PREX1: variants seen among roughly 807,000 people sequenced by gnomAD.
PREX1 encodes the protein phosphatidylinositol-3,4,5-trisphosphate dependent Rac exchange factor 1, also known as phosphatidylinositol 3,4,5-trisphosphate-dependent Rac exchanger 1 protein.
A neutral mutation model predicts 198.3 loss-of-function variants in PREX1; 41 were observed. The ratio of observed to expected loss-of-function variants is 0.21; its 90% CI spans 0.16 to 0.27. The LOEUF is 0.27. Ranked by LOEUF, PREX1 falls within the 10% of genes least tolerant of loss-of-function variation. The pLI is 1.00. For synonymous variants in PREX1, 843 were observed against 887.2 expected, an observed-to-expected ratio of 0.95 and a Z score of 0.89; for missense variants, 1,620 against 2,200.7, an observed-to-expected ratio of 0.74 and a Z score of 5.28.
the PREX1 span, among the ~76,000 whole-genome samples, chr20:48,872,997 G>C: frequency 6.6e-6 from 1 of 151,964 alleles, no homozygotes; most frequent in Admixed American, 6.6e-5. Context: ...CCATGTACCA[G>C]TCAGCTTTGG....
chr20:48,678,582 G>A (rs939088486), intron 13 of PREX1, among the ~76,000 whole-genome samples: 3 of 152,172 alleles, frequency 2.0e-5, no homozygotes, highest in Non-Finnish European at 4.4e-5. Context: ...CCCACATACT[G>A]TGGGAGGGAC....
At chr20:48,677,892 A>C (rs769899900) in intron 13 of PREX1, among the ~76,000 whole-genome samples, 1 of 152,002 alleles carries the variant, frequency 6.6e-6, no homozygotes, top group Non-Finnish European at 1.5e-5. Flanking sequence ...AGGCTGATGC[A>C]GGAGAATCGC....
At chr20:48,655,497 T>G in intron 18 of PREX1, 122 bp from the exon 19 acceptor site, 1 of 792,344 alleles carries the variant, frequency 1.3e-6, no homozygotes, top group Non-Finnish European at 1.9e-6. Flanking sequence ...CAGCCCAAAA[T>G]AGTAGTAGCA....
At chr20:48,725,253 C>T (rs368499676) in intron 5 of PREX1, among the ~76,000 whole-genome samples, 26 of 152,358 alleles carry the variant, frequency 1.7e-4, no homozygotes, top group African/African-American at 6.0e-4. Flanking sequence ...TTAATCCCCC[C>T]ACAGGGAACC....
the PREX1 span, among the ~76,000 whole-genome samples, chr20:48,869,569 C>T: frequency 6.6e-6 from 1 of 152,074 alleles, no homozygotes; most frequent in African/African-American, 2.4e-5. Context: ...GCACTATTTA[C>T]AATAGCAAAG....
At chr20:48,682,387 T>A (rs539168953) in intron 10 of PREX1, among the ~76,000 whole-genome samples, 1 of 152,314 alleles carries the variant, frequency 6.6e-6, no homozygotes, top group South Asian at 2.1e-4. Flanking sequence ...CTTTTCACTG[T>A]CTGAAGTGGT....
Position 48,636,658 on chromosome 20 carries a change from G to C in PREX1, c.3972C>G (p.Asp1324Glu). The C allele has an allele frequency of 1.2e-6, 2 of 1,609,218 alleles. No individual in the cohort carries two copies. The highest frequency in any genetic ancestry group is 1.7e-6 in the Non-Finnish European group (2 of 1,178,462). Residue 1324 changes from aspartate to glutamate, a missense_variant, in exon 32 of 40, where the codon GAC becomes GAG. Asp to Glu is a conservative substitution (Grantham distance 45). Transcript: ENST00000371941. ...CCACCAGGGCCTGGCAGAAGATCGC[G>C]TCTCTGCGCAGCTGCAGCTCCGTGT... ...CTDTELQLRR[D>E]AIFCQALVAA...
intron 33 of PREX1, among the ~76,000 whole-genome samples, chr20:48,634,156 A>ATGGG (rs1432207674): frequency 1.7e-4 from 21 of 126,218 alleles, no homozygotes; most frequent in African/African-American, 5.2e-4. Flanking sequence ...GGATGGATGG[A>ATGGG]TGGATGGATG....
In PREX1 at chr20:48,703,073, G is replaced by A. The variant is rs566270992; in HGVS notation, c.784-2187C>T. Among the ~76,000 whole-genome samples, 6 of 152,260 alleles carry A rather than the reference G, an allele frequency of 3.9e-5. No individual in the cohort carries two copies. In the South Asian group the frequency reaches 1.2e-3, roughly 32 times the overall value. On this transcript the variant is annotated intron_variant, in intron 6 of 39. Coordinates refer to ENST00000371941, the MANE Select transcript of PREX1 (RefSeq NM_020820.4). ...CCAACATGGAGCTCCTACCCCACTGGGACCTGCTGACTGAATTCTTTCTGA... is the reference window on the plus strand; with the variant it reads ...CCAACATGGAGCTCCTACCCCACTGAGACCTGCTGACTGAATTCTTTCTGA...
At chr20:48,786,434 C>T (rs6125470) in intron 1 of PREX1, among the ~76,000 whole-genome samples, 94,986 of 151,348 alleles carry the variant, frequency 0.63, 30,724 homozygotes, top group African/African-American at 0.79. Flanking sequence ...GGCGGGGAAA[C>T]GGGATAGGGT....
chr20:48,828,306 C>T (rs2123097473), upstream of PREX1, among the ~76,000 whole-genome samples: 1 of 151,988 alleles, frequency 6.6e-6, no homozygotes, highest in South Asian at 2.1e-4. Context: ...CAACTCCGCG[C>T]CCGGACGCGT....
At position 48,688,740 on chromosome 20, in the gene PREX1, G is replaced by A. The variant is rs1296912520; in HGVS notation, c.1251C>T (p.Tyr417=). 6.2e-7 allele frequency: 1 copy of A among 1,614,174 alleles called. No homozygotes were observed. ...TCACCTTCTTGTTCATCATCATGTG[G>A]TACAGCTTCTCCCCCTTCTCCGCAA... ...VMIAEKGEKL[Y]HMMMNKKVNL... The change falls in exon 10 of 40, where the codon TAC becomes TAT. Residue 417 remains tyrosine (Y), a synonymous_variant. Coordinates refer to ENST00000371941, the MANE Select transcript of PREX1 (RefSeq NM_020820.4).
At chr20:48,710,639 C>G (rs967637959) in intron 5 of PREX1, among the ~76,000 whole-genome samples, 2 of 152,210 alleles carry the variant, frequency 1.3e-5, no homozygotes, top group Non-Finnish European at 2.9e-5. Context: ...ACTTTTCAGA[C>G]AGTTAAGTAC....
intron 3 of PREX1, among the ~76,000 whole-genome samples, chr20:48,735,036 T>C (rs1019309848): frequency 6.6e-6 from 1 of 152,022 alleles, no homozygotes; most frequent in African/African-American, 2.4e-5. Flanking sequence ...TAAGTCAGAG[T>C]TGTTATAGCT....
At chr20:48,771,952 G>C (rs2090238016) in intron 1 of PREX1, among the ~76,000 whole-genome samples, 1 of 152,178 alleles carries the variant, frequency 6.6e-6, no homozygotes, top group Non-Finnish European at 1.5e-5. Context: ...CCAGCACTTT[G>C]AGAGGCTGAG....
intron 5 of PREX1, among the ~76,000 whole-genome samples, chr20:48,721,371 C>T (rs751062766): frequency 1.1e-4 from 17 of 152,284 alleles, no homozygotes; most frequent in Admixed American, 1.3e-4. Flanking sequence ...GCTCCTCTAT[C>T]GCAGAGGTGG....
At chr20:48,878,650 T>C in the PREX1 span, among the ~76,000 whole-genome samples, 1 of 152,188 alleles carries the variant, frequency 6.6e-6, no homozygotes, top group Non-Finnish European at 1.5e-5. Context: ...ATTCCCCTTT[T>C]TCTGGCAACT....
intron 1 of PREX1, among the ~76,000 whole-genome samples, chr20:48,757,951 C>T (rs377718018): frequency 1.7e-4 from 26 of 152,242 alleles, no homozygotes; most frequent in African/African-American, 4.3e-4. Context: ...GCTATGTGCA[C>T]AGAGAATGCA....
intron 3 of PREX1, 93 bp from the exon 4 acceptor site, chr20:48,734,743 T>A: frequency 9.2e-7 from 1 of 1,086,754 alleles, no homozygotes; most frequent in Non-Finnish European, 1.4e-6. Context: ...AGGGTAGGGG[T>A]AAGGACTACC....
Sources: allele counts gnomAD v4.1 joint callset (sites outside exome capture counted in the v4.1 genomes callset), GRCh38; gene constraint gnomAD v4.1.1; transcripts MANE v1.5; gene names NCBI Gene and HGNC (gene_info 2026-07-23, HGNC 2026-07-21).